The following RYR2 variants were observed in gnomAD, a reference collection of about 807,000 sequenced individuals.
RYR2 encodes ryanodine receptor 2.
RYR2 carries 227 observed loss-of-function variants against 601.1 expected under a neutral mutation model. That is an observed-to-expected ratio of 0.38 (90% CI 0.34 to 0.42). The LOEUF (loss-of-function observed/expected upper bound fraction) is 0.42, where lower values mean the gene tolerates loss of function less well. Among genes scored for constraint, RYR2 ranks in the 10% least tolerant of loss-of-function variants. The pLI is 1.00. For missense variants in RYR2, 4,646 were observed against 6,156.5 expected (o/e 0.75, Z 8.21); for synonymous variants, 2,223 against 2,175.1 (o/e 1.02, Z -0.61).
At chr1:237,487,334 G>T (rs905523585) in intron 17 of RYR2, among the ~76,000 whole-genome samples, 6 of 151,934 alleles carry the variant, frequency 3.9e-5, no homozygotes, top group African/African-American at 9.7e-5. Context: ...TTTAAAAATG[G>T]ACTCTTTGGT....
chr1:237,558,296 G>A (rs1671106230), intron 27 of RYR2, among the ~76,000 whole-genome samples: 1 of 152,174 alleles, frequency 6.6e-6, no homozygotes, highest in Admixed American at 6.5e-5. Flanking sequence ...AATAGAAAAT[G>A]AGTTTATTTT....
intron 24 of RYR2, among the ~76,000 whole-genome samples, chr1:237,518,371 T>C (rs1357136501): frequency 6.6e-6 from 1 of 152,108 alleles, no homozygotes; most frequent in Non-Finnish European, 1.5e-5. Context: ...TTAATGTATA[T>C]TGCACCCATT....
intron 63 of RYR2, among the ~76,000 whole-genome samples, chr1:237,693,760 T>G (rs947148531): frequency 2.6e-5 from 4 of 152,190 alleles, no homozygotes; most frequent in African/African-American, 9.7e-5. Flanking sequence ...TGGAAGAGTT[T>G]TAAAAGTAGA....
In RYR2 at chr1:237,290,674, A is replaced by C. The variant is rs537313944; in HGVS notation, c.168+20058A>C. 2.0e-4 allele frequency among the ~76,000 whole-genome samples: 30 copies of C among 152,352 alleles called. No individual in the cohort carries two copies. The South Asian group carries it at 6.2e-3, about 32-fold the overall frequency. ...AAATAAAACAGAGCAACATAAAAAC[A>C]GCACTACCACCAACAACGAAAATAC... On this transcript the variant is annotated intron_variant, in intron 2 of 104. Transcript: ENST00000366574.
intron 3 of RYR2, among the ~76,000 whole-genome samples, chr1:237,331,715 C>A (rs951835945): frequency 1.3e-5 from 2 of 151,214 alleles, no homozygotes; most frequent in African/African-American, 4.9e-5. Context: ...GGGGTTTCAC[C>A]ATGTTGGCCA....
At chr1:237,639,339 G>T (rs1417737343) in intron 46 of RYR2, 138 bp downstream of exon 46, 3 of 856,826 alleles carry the variant, frequency 3.5e-6, no homozygotes, top group Non-Finnish European at 5.0e-6. Flanking sequence ...TAATGTCTTA[G>T]ATTTGGAAGA....
At chr1:237,288,783 GAGTCT>G (rs1464955087) in intron 2 of RYR2, among the ~76,000 whole-genome samples, 1 of 152,060 alleles carries the variant, frequency 6.6e-6, no homozygotes, top group Admixed American at 6.5e-5. Context: ...CCTGCCTATG[GAGTCT>G]GGACACTAGA....
At chr1:237,444,699 G>T (rs1708183862) in intron 13 of RYR2, among the ~76,000 whole-genome samples, 1 of 152,070 alleles carries the variant, frequency 6.6e-6, no homozygotes, top group Non-Finnish European at 1.5e-5. Context: ...GCTGGGTGTT[G>T]GTCATGCAGG....
chr1:237,537,902 G>A (rs1333686873), intron 25 of RYR2, among the ~76,000 whole-genome samples: 1 of 152,134 alleles, frequency 6.6e-6, no homozygotes, highest in Admixed American at 6.5e-5. Context: ...TCTCTCTGGG[G>A]ATAAGGAGGG....
chr1:237,729,019 A>G (rs1690451421), intron 76 of RYR2, among the ~76,000 whole-genome samples: 1 of 152,022 alleles, frequency 6.6e-6, no homozygotes, highest in African/African-American at 2.4e-5. Flanking sequence ...CTATACTGTC[A>G]TTGCCCAGAT....
At chr1:237,325,993 G>C (rs933205068) in intron 2 of RYR2, among the ~76,000 whole-genome samples, 4 of 152,154 alleles carry the variant, frequency 2.6e-5, no homozygotes, top group Non-Finnish European at 4.4e-5. Flanking sequence ...TAATGAGAAG[G>C]ATGGTGGCTT....
intron 28 of RYR2, among the ~76,000 whole-genome samples, chr1:237,568,262 C>T (rs1218671843): frequency 6.6e-6 from 1 of 152,062 alleles, no homozygotes; most frequent in African/African-American, 2.4e-5. Flanking sequence ...TTTAAAAAGA[C>T]AGTGTGTTAT....
chr1:237,096,187 G>A (rs1319210341), intron 1 of RYR2, among the ~76,000 whole-genome samples: 1 of 152,276 alleles, frequency 6.6e-6, no homozygotes, highest in South Asian at 2.1e-4. Context: ...GAGGCCTGAC[G>A]TTAAGCAATG....
intron 1 of RYR2, among the ~76,000 whole-genome samples, chr1:237,117,169 G>A (rs2485563): frequency 0.072 from 11,002 of 151,950 alleles, 561 homozygotes; most frequent in African/African-American, 0.15. Context: ...GGAGAAGGAA[G>A]ACAGGATAGC....
chr1:237,433,342 T>G (rs1047426850), intron 12 of RYR2, among the ~76,000 whole-genome samples: 9 of 44,402 alleles, frequency 2.0e-4, no homozygotes, highest in Non-Finnish European at 3.3e-4. Flanking sequence ...TAATTGATAG[T>G]GCTGATTATA....
At chr1:237,582,939 T>TATATATATATAC (rs1553511952) in intron 29 of RYR2, among the ~76,000 whole-genome samples, 1 of 150,556 alleles carries the variant, frequency 6.6e-6, no homozygotes, top group Non-Finnish European at 1.5e-5. Context: ...TATATATATA[T>TATATATATATAC]ACCCAGTAAT....
rs1695412913 is a variant in RYR2 at position 237,784,782 on chromosome 1, C to T, written c.13070C>T (p.Ala4357Val). 2 of 1,608,680 alleles carry T rather than the reference C, an allele frequency of 1.2e-6. No homozygotes were observed. Among genetic ancestry groups the T allele is most frequent in the African/African-American group, 1.3e-5 (1 of 74,680 alleles). ...EEGERKPLEA[A>V]LPSEDLTDLK... is the part of the protein sequence containing the mutation. ...GGAGAGAGGAAACCCCTGGAAGCCGCCCTGCCCTCCGAGGATCTGACCGAC... is the reference window on the plus strand; with the variant it reads ...GGAGAGAGGAAACCCCTGGAAGCCGTCCTGCCCTCCGAGGATCTGACCGAC... The change falls in exon 90 of 105, where the codon GCC becomes GTC. Residue 4357 changes from alanine (A) to valine (V), a missense_variant. Physicochemically the swap from Ala to Val is moderately conservative, Grantham distance 64 (BLOSUM62 0). This residue lies in a region of RYR2 where 364 missense variants were observed against 442.9 expected (regional missense o/e 0.82). Transcript: ENST00000366574. This position sits in a 1 kb window ranked among gnomAD's most constrained non-coding sequence, Gnocchi z 7.1.
chr1:237,054,749 T>TA (rs771773063), intron 1 of RYR2, among the ~76,000 whole-genome samples: 5 of 152,164 alleles, frequency 3.3e-5, no homozygotes, highest in Non-Finnish European at 5.9e-5. Context: ...ATTTTTACTT[T>TA]AAAAAAAGTT....
intron 44 of RYR2, among the ~76,000 whole-genome samples, chr1:237,636,365 G>A (rs1680871441): frequency 6.6e-6 from 1 of 152,108 alleles, no homozygotes; most frequent in East Asian, 1.9e-4. Context: ...AGACATGAAA[G>A]AGTGAAACTC....
Sources: gnomAD v4.1 joint callset for allele counts (sites outside exome capture counted in the v4.1 genomes callset) on GRCh38, gnomAD v4.1.1 for gene constraint, gnomAD v4.1.1 regional missense constraint, Gnocchi (gnomAD v3.1) non-coding constraint, MANE v1.5 for transcripts, NCBI Gene and HGNC (gene_info 2026-07-23, HGNC 2026-07-21) for gene names.